The following CPNE9 variants were observed in gnomAD, a reference collection of about 807,000 sequenced individuals.
CPNE9 encodes copine-9.
Under a neutral mutation model 83.0 loss-of-function variants are expected in CPNE9, and 59 were observed. The observed-to-expected ratio is 0.71, with a 90% CI of 0.58 to 0.88. The LOEUF is 0.88. CPNE9 is among the 40% of genes least tolerant of loss of function. The pLI, the probability that CPNE9 is intolerant of heterozygous loss-of-function variation, is 0.00. For missense variants in CPNE9, 619 were observed against 720.8 expected, an observed-to-expected ratio of 0.86 and a Z score of 1.62; for synonymous variants, 256 against 273.4, an observed-to-expected ratio of 0.94 and a Z score of 0.63.
intron 17 of CPNE9, among the ~76,000 whole-genome samples, chr3:9,724,367 G>A (rs1452435731): frequency 2.0e-5 from 3 of 152,156 alleles, no homozygotes. Flanking sequence ...CAGCCCAGGC[G>A]ATGAGATGTG....
intron 17 of CPNE9, among the ~76,000 whole-genome samples, chr3:9,724,695 T>G (rs762807825): frequency 1.3e-5 from 2 of 151,996 alleles, no homozygotes; most frequent in Non-Finnish European, 2.9e-5. Context: ...AAACCTTCAC[T>G]TACCTGCTGG....
At chr3:9,717,982 T>C (rs573418848) in intron 15 of CPNE9, 47 bp from the exon 16 acceptor site, 8 of 1,505,430 alleles carry the variant, frequency 5.3e-6, no homozygotes, top group African/African-American at 4.1e-5. Context: ...GGTGAACAGA[T>C]GGATGATCCA....
chr3:9,722,424 G>A (rs562277332), intron 17 of CPNE9, among the ~76,000 whole-genome samples: 2 of 152,140 alleles, frequency 1.3e-5, no homozygotes, highest in East Asian at 3.9e-4. Flanking sequence ...GATAAAAACA[G>A]CCTTGAGAAT....
chr3:9,719,820 C>T (rs193229413), intron 17 of CPNE9, among the ~76,000 whole-genome samples: 61 of 151,784 alleles, frequency 4.0e-4, no homozygotes, highest in Middle Eastern at 3.4e-3. Flanking sequence ...GGTGAAACCC[C>T]GTCTCTACTG....
intron 7 of CPNE9, among the ~76,000 whole-genome samples, chr3:9,711,659 C>T (rs1262867522): frequency 6.6e-6 from 1 of 152,174 alleles, no homozygotes. Context: ...GGACTGGAAC[C>T]CAGGACCCTC....
In CPNE9 at chr3:9,717,096, C is replaced by T. The variant is rs771591254; in HGVS notation, c.923C>T (p.Ala308Val). ...LNFTVAIDFT[A>V]SNGNPLQPTS... ...TTCACAGTAGCCATTGACTTCACGG[C>T]TTCCAATGGTGAGACACGGATGAGT... Residue 308 changes from alanine to valine, a missense_variant, in exon 15 of 21, where the codon GCT (alanine) becomes GTT (valine). By Grantham distance (64) the Ala-to-Val change is moderately conservative. This residue lies in a region of CPNE9 where 438 missense variants were observed against 562.9 expected (regional missense o/e 0.78). Coordinates refer to ENST00000383832, the MANE Select transcript of CPNE9 (RefSeq NM_153635.3). 9 of 1,614,204 alleles carry T rather than the reference C, an allele frequency of 5.6e-6. No homozygotes were observed. In the Admixed American group the frequency reaches 1.3e-4, roughly 24 times the overall value.
In CPNE9 at chr3:9,704,809, C is replaced by T. The variant is rs767291517; in HGVS notation, c.156+14C>T. On this transcript the variant is annotated intron_variant, in intron 3 of 20. Coordinates refer to ENST00000383832, the MANE Select transcript of CPNE9 (RefSeq NM_153635.3). This position sits in a 1 kb window ranked among gnomAD's most constrained non-coding sequence, Gnocchi z 7.1. ...GAGTGGCGGGAGGTGAGTCCCAGAG[C>T]CCCCTCCCGGCCCAGGGCGTCGCCC... 1.2e-6 allele frequency: 2 copies of T among 1,601,534 alleles called. No homozygotes were observed. The highest frequency in any genetic ancestry group is 1.7e-5 in the Admixed American group (1 of 58,328).
At chr3:9,725,718 GTATATGTATATATTTCATA>G (rs1399257563) in intron 17 of CPNE9, among the ~76,000 whole-genome samples, 7 of 65,454 alleles carry the variant, frequency 1.1e-4, no homozygotes, top group South Asian at 5.2e-4. Flanking sequence ...GTATATATGT[GTATATGTATATATTTCATA>G]TATATGTATA....
Position 9,706,881 on chromosome 3 carries a change from G to A in CPNE9, c.377+818G>A, listed in dbSNP as rs181393839. 3.9e-5 allele frequency among the ~76,000 whole-genome samples: 6 copies of A among 152,312 alleles called. No individual in the cohort carries two copies. In the East Asian group the frequency reaches 9.6e-4, roughly 24 times the overall value. ...TGGTGCATTCAAAGAACAGCAAGGAGGCCAGCAAGACTGGAGCCAGGTGAC... is the reference window on the plus strand; with the variant it reads ...TGGTGCATTCAAAGAACAGCAAGGAAGCCAGCAAGACTGGAGCCAGGTGAC... On this transcript the variant is annotated intron_variant, in intron 7 of 20. Transcript: ENST00000383832.
At chr3:9,726,641 C>A in intron 18 of CPNE9, 24 bp from the exon 19 acceptor site, 1 of 1,601,744 alleles carries the variant, frequency 6.2e-7, no homozygotes. Context: ...CTTGCCCCAA[C>A]AGTTCACCCT....
intron 17 of CPNE9, among the ~76,000 whole-genome samples, chr3:9,724,175 G>A (rs976422217): frequency 6.7e-6 from 1 of 148,626 alleles, no homozygotes; most frequent in Non-Finnish European, 1.5e-5. Flanking sequence ...CTACCTTTGT[G>A]CCCTCTCTAG....
At chr3:9,709,289 C>A (rs1268182884) in intron 7 of CPNE9, among the ~76,000 whole-genome samples, 24 of 138,374 alleles carry the variant, frequency 1.7e-4, no homozygotes, top group East Asian at 6.7e-4. Flanking sequence ...AAAAAAAAAA[C>A]AAAGAAAAAA....
intron 7 of CPNE9, among the ~76,000 whole-genome samples, chr3:9,709,422 GGTGTGGT>G (rs2076601228): frequency 6.8e-6 from 1 of 147,610 alleles, no homozygotes; most frequent in South Asian, 2.2e-4. Context: ...GGAGTGCAGT[GGTGTGGT>G]GTGATCTTGG....
chr3:9,712,478 T>C, intron 7 of CPNE9, 63 bp from the exon 8 acceptor site: 2 of 1,349,050 alleles, frequency 1.5e-6, no homozygotes, highest in Non-Finnish European at 2.1e-6. Flanking sequence ...AACCCCAGAC[T>C]GGCCACTCAA....
intron 14 of CPNE9, among the ~76,000 whole-genome samples, chr3:9,716,495 C>T (rs2076685056): frequency 6.7e-6 from 1 of 150,102 alleles, no homozygotes; most frequent in South Asian, 2.1e-4. Flanking sequence ...TTTGAGATGG[C>T]GTTTCACTCT....
chr3:9,729,077 T>C (rs1019534785), intron 20 of CPNE9, among the ~76,000 whole-genome samples: 2 of 151,990 alleles, frequency 1.3e-5, no homozygotes, highest in Admixed American at 1.3e-4. Context: ...CCCAGAGGAA[T>C]GGTGGTGGGA....
chr3:9,712,473 C>G, intron 7 of CPNE9, 68 bp from the exon 8 acceptor site: 2 of 1,309,498 alleles, frequency 1.5e-6, no homozygotes, highest in Non-Finnish European at 2.2e-6. Context: ...CACCTAACCC[C>G]AGACTGGCCA....
At chr3:9,705,025 C>G (rs751866756) in intron 4 of CPNE9, 31 bp downstream of exon 4, 1 of 1,501,300 alleles carries the variant, frequency 6.7e-7, no homozygotes, top group South Asian at 1.2e-5. Flanking sequence ...CTGGCTTGGC[C>G]CGCCCCCGAC....
intron 7 of CPNE9, 39 bp downstream of exon 7, chr3:9,706,102 G>A: frequency 1.3e-6 from 2 of 1,595,244 alleles, no homozygotes; most frequent in Non-Finnish European, 8.6e-7. Flanking sequence ...TGGGGTGGGG[G>A]CTTCCAAATT....
Sources: gnomAD v4.1 joint callset for allele counts (sites outside exome capture counted in the v4.1 genomes callset) on GRCh38, gnomAD v4.1.1 for gene constraint, gnomAD v4.1.1 regional missense constraint, Gnocchi (gnomAD v3.1) non-coding constraint, MANE v1.5 for transcripts, NCBI Gene and HGNC (gene_info 2026-07-23, HGNC 2026-07-21) for gene names.